The following SORCS1 variants were observed in gnomAD, a reference collection of about 807,000 sequenced individuals.
SORCS1 encodes VPS10 domain-containing receptor SorCS1.
SORCS1 carries 60 observed loss-of-function variants against 146.1 expected under a neutral mutation model. The observed-to-expected ratio is 0.41, with a 90% CI of 0.33 to 0.51. The LOEUF (loss-of-function observed/expected upper bound fraction) is 0.51. SORCS1 is among the 20% of genes least tolerant of loss of function. SORCS1 has a pLI of 0.21. For synonymous variants in SORCS1, 637 were observed against 584.0 expected, an observed-to-expected ratio of 1.09 and a Z score of -1.31; for missense variants, 1,352 against 1,487.6, an observed-to-expected ratio of 0.91 and a Z score of 1.50.
chr10:107,174,860 G>A, the SORCS1 span, among the ~76,000 whole-genome samples: 1 of 152,128 alleles, frequency 6.6e-6, no homozygotes, highest in Admixed American at 6.5e-5. Context: ...TGGCTCAAGA[G>A]CAGGGGGAAA....
In SORCS1 at chr10:106,652,424, C is replaced by T. The variant is rs758448659; in HGVS notation, c.2433G>A (p.Ala811=). The part of the protein sequence containing the change: ...RIVTADGKLT[A]EQGHNVTLMV... ...TGAGAGTGACGTTGTGTCCTTGTTC[C>T]GCTGTCAGCTTTCCATCAGCCGTGA... The change falls in exon 18 of 26, where the codon GCG becomes GCA. Residue 811 remains alanine, a synonymous_variant. Transcript: ENST00000263054. 11 of 1,613,970 alleles carry T rather than the reference C, an allele frequency of 6.8e-6. No homozygotes were observed. Among genetic ancestry groups the T allele is most frequent in the South Asian group, 2.2e-5 (2 of 91,088 alleles).
At chr10:106,774,062 C>A (rs1312605442) in intron 4 of SORCS1, among the ~76,000 whole-genome samples, 1 of 152,146 alleles carries the variant, frequency 6.6e-6, no homozygotes, top group Non-Finnish European at 1.5e-5. Context: ...AATGTGTTAA[C>A]CTCTTAGATA....
intron 3 of SORCS1, among the ~76,000 whole-genome samples, chr10:106,806,341 C>T (rs1947170724): frequency 6.7e-6 from 1 of 149,508 alleles, no homozygotes; most frequent in South Asian, 2.1e-4. Context: ...GTACTCCAGC[C>T]TGGGTGACAG....
At chr10:107,083,815 C>T (rs6584792) in intron 1 of SORCS1, among the ~76,000 whole-genome samples, 76,488 of 151,890 alleles carry the variant, frequency 0.5, 20,435 homozygotes, top group African/African-American at 0.66. Flanking sequence ...GGATGACTCA[C>T]GCTAATCTAC....
intron 1 of SORCS1, among the ~76,000 whole-genome samples, chr10:106,981,971 A>C (rs192974812): frequency 6.6e-6 from 1 of 152,216 alleles, no homozygotes; most frequent in Admixed American, 6.5e-5. Flanking sequence ...CCCAACACCC[A>C]TTCAAACATA....
intron 1 of SORCS1, among the ~76,000 whole-genome samples, chr10:107,113,101 T>C (rs938819006): frequency 6.6e-6 from 1 of 152,186 alleles, no homozygotes; most frequent in Non-Finnish European, 1.5e-5. Flanking sequence ...GATTATACTT[T>C]GGGCCACAAA....
chr10:106,929,384 C>G (rs915664313), intron 2 of SORCS1, among the ~76,000 whole-genome samples: 1 of 152,188 alleles, frequency 6.6e-6, no homozygotes, highest in Admixed American at 6.5e-5. Flanking sequence ...CCTGGGGTAT[C>G]AGAATTAAAA....
chr10:107,165,375 A>G (rs1970019616), upstream of SORCS1, among the ~76,000 whole-genome samples: 1 of 150,880 alleles, frequency 6.6e-6, no homozygotes, highest in South Asian at 2.1e-4. This position sits in a 1 kb window ranked among gnomAD's most constrained non-coding sequence, Gnocchi z 4.0. Flanking sequence ...TTTCTCTCCT[A>G]ACCTCCTAAA....
intron 2 of SORCS1, among the ~76,000 whole-genome samples, chr10:106,925,575 C>A (rs187299827): frequency 1.3e-4 from 20 of 152,342 alleles, no homozygotes; most frequent in African/African-American, 4.6e-4. Flanking sequence ...GCAGCAATCT[C>A]TTCCCTCACT....
intron 2 of SORCS1, among the ~76,000 whole-genome samples, chr10:106,927,391 G>A (rs1004866684): frequency 6.6e-6 from 1 of 152,006 alleles, no homozygotes; most frequent in African/African-American, 2.4e-5. Flanking sequence ...TCGTGGTCTC[G>A]TTGGCTTCAG....
chr10:106,808,540 T>TC (rs1238410525), intron 3 of SORCS1, among the ~76,000 whole-genome samples: 17 of 152,264 alleles, frequency 1.1e-4, no homozygotes, highest in African/African-American at 4.1e-4. Context: ...TGTCGCTCTG[T>TC]CGCCCAGTCT....
intron 6 of SORCS1, among the ~76,000 whole-genome samples, chr10:106,715,064 C>T (rs892052696): frequency 6.6e-6 from 1 of 152,120 alleles, no homozygotes; most frequent in African/African-American, 2.4e-5. Context: ...TTCCCTTTCT[C>T]CTCCTAATGG....
At chr10:106,682,094 C>T (rs1163244069) in intron 10 of SORCS1, among the ~76,000 whole-genome samples, 1 of 152,164 alleles carries the variant, frequency 6.6e-6, no homozygotes, top group African/African-American at 2.4e-5. Context: ...CACCACTGCA[C>T]TCCACCCTGG....
chr10:106,647,007 G>GTATATA (rs57891596), intron 18 of SORCS1, among the ~76,000 whole-genome samples: 93 of 134,222 alleles, frequency 6.9e-4, no homozygotes, highest in African/African-American at 2.4e-3. Context: ...GTTTGTATGT[G>GTATATA]TATATATATA....
chr10:106,818,086 G>A (rs1211712464), intron 3 of SORCS1, among the ~76,000 whole-genome samples: 7 of 152,176 alleles, frequency 4.6e-5, no homozygotes, highest in Non-Finnish European at 8.8e-5. Flanking sequence ...TATGCTTGCA[G>A]AGAACAAGGC....
At chr10:106,961,578 G>A (rs753011284) in intron 1 of SORCS1, among the ~76,000 whole-genome samples, 1 of 152,182 alleles carries the variant, frequency 6.6e-6, no homozygotes, top group African/African-American at 2.4e-5. Flanking sequence ...CGATGGAAGT[G>A]AGGCAGGAGA....
At chr10:107,120,374 A>T (rs1966323171) in intron 1 of SORCS1, among the ~76,000 whole-genome samples, 1 of 152,214 alleles carries the variant, frequency 6.6e-6, no homozygotes, top group Admixed American at 6.5e-5. Context: ...AGTAATAAAA[A>T]AATTCACTGC....
At chr10:107,048,089 A>C (rs1310815261) in intron 1 of SORCS1, among the ~76,000 whole-genome samples, 3 of 151,970 alleles carry the variant, frequency 2.0e-5, no homozygotes, top group African/African-American at 7.2e-5. Flanking sequence ...GTCTCCAACA[A>C]CAACAAAAAG....
intron 8 of SORCS1, among the ~76,000 whole-genome samples, chr10:106,702,211 A>G (rs1214095648): frequency 1.3e-5 from 2 of 152,166 alleles, no homozygotes; most frequent in Admixed American, 6.5e-5. Context: ...TCCCCATCCT[A>G]TAGGGTAAAG....
Sources: allele counts gnomAD v4.1 joint callset (sites outside exome capture counted in the v4.1 genomes callset), GRCh38; gene constraint gnomAD v4.1.1; non-coding constraint Gnocchi (gnomAD v3.1); transcripts MANE v1.5; gene names NCBI Gene and HGNC (gene_info 2026-07-23, HGNC 2026-07-21).